ANKRD11: variants seen among roughly 807,000 people sequenced by gnomAD.
ANKRD11 encodes the protein ankyrin repeat domain-containing protein 11.
In ANKRD11, 17 loss-of-function variants were observed where a neutral mutation model predicts 195.7. That is an observed-to-expected ratio of 0.09 (90% CI 0.06 to 0.13). The LOEUF is 0.13. Ranked by LOEUF, ANKRD11 falls within the 10% of genes least tolerant of loss-of-function variation. The pLI is 1.00. For synonymous variants in ANKRD11, 1,953 were observed against 1,528.1 expected, an observed-to-expected ratio of 1.28 and a Z score of -6.49; for missense variants, 3,735 against 3,566.1, an observed-to-expected ratio of 1.05 and a Z score of -1.21.
At chr16:89,312,439 G>T (rs888945215) in intron 3 of ANKRD11, among the ~76,000 whole-genome samples, 5 of 152,200 alleles carry the variant, frequency 3.3e-5, no homozygotes, top group Non-Finnish European at 5.9e-5. Context: ...ACTGGGTGGT[G>T]GGGGAAGCCC....
In ANKRD11 at chr16:89,280,809, C is replaced by T. The variant is rs1395226694; in HGVS notation, c.5733G>A (p.Leu1911=). ...TCGCCTGCTGGTCCTCGGAGGTGTCCAGGTCCGGGGGAAGGGCCCCTTCGA... is the reference window on the plus strand; with the variant it reads ...TCGCCTGCTGGTCCTCGGAGGTGTCTAGGTCCGGGGGAAGGGCCCCTTCGA... ...PSLEGALPPD[L]DTSEDQQATA... Residue 1911 remains leucine, a synonymous_variant, in exon 9 of 13, where the codon CTG becomes CTA. Coordinates refer to ENST00000301030, the MANE Select transcript of ANKRD11 (RefSeq NM_013275.6). 15 of 1,606,654 alleles carry T rather than the reference C, an allele frequency of 9.3e-6. No individual in the cohort carries two copies. Among genetic ancestry groups the T allele is most frequent in the Non-Finnish European group, 1.3e-5 (15 of 1,174,502 alleles).
At chr16:89,441,518 A>C (rs1036067295) in intron 1 of ANKRD11, among the ~76,000 whole-genome samples, 1 of 152,150 alleles carries the variant, frequency 6.6e-6, no homozygotes, top group Non-Finnish European at 1.5e-5. Context: ...CTGTAATCCC[A>C]GCACTTTGGG....
At chr16:89,371,223 C>T (rs1019485725) in intron 2 of ANKRD11, among the ~76,000 whole-genome samples, 1 of 152,140 alleles carries the variant, frequency 6.6e-6, no homozygotes, top group African/African-American at 2.4e-5. Flanking sequence ...CCAACACTTT[C>T]GCAAATACTC....
intron 1 of ANKRD11, among the ~76,000 whole-genome samples, chr16:89,429,174 T>C (rs59009678): frequency 0.26 from 11,383 of 43,902 alleles, 1,145 homozygotes; most frequent in Middle Eastern, 0.32. Context: ...ACAGCAGGGA[T>C]TCTCAACTCT....
At chr16:89,414,033 C>A (rs528626400) in intron 2 of ANKRD11, among the ~76,000 whole-genome samples, 1 of 149,510 alleles carries the variant, frequency 6.7e-6, no homozygotes, top group East Asian at 1.9e-4. Context: ...CGGGCCTGCA[C>A]ACCCTCCGCC....
In ANKRD11 at chr16:89,300,304, G is replaced by A. The variant is rs146973495; in HGVS notation, c.226+4902C>T. The A allele has an allele frequency of 1.5e-3, 317 of 217,544 alleles. 3 individuals carry two copies. The highest frequency in any genetic ancestry group is 6.8e-3 in the African/African-American group (289 of 42,218). The allele number at this position is 217,544 out of a possible 1,614,324, so 13.5% of individuals were successfully genotyped here. A position where few individuals can be genotyped will look rare whatever the true frequency, so the allele number is the denominator to read the frequency against. On this transcript the variant is annotated intron_variant, in intron 4 of 12. Coordinates refer to ENST00000301030, the MANE Select transcript of ANKRD11 (RefSeq NM_013275.6). ...AGAAACTGCATCAGGGCTTCCCGCCGTGTGTTGCTAACATCCCCACACACG... is the reference window on the plus strand; with the variant it reads ...AGAAACTGCATCAGGGCTTCCCGCCATGTGTTGCTAACATCCCCACACACG...
intron 1 of ANKRD11, among the ~76,000 whole-genome samples, chr16:89,436,881 C>T (rs574879313): frequency 6.6e-6 from 1 of 152,336 alleles, no homozygotes; most frequent in African/African-American, 2.4e-5. Flanking sequence ...CTTCAATAAA[C>T]TTATCTACTT....
At chr16:89,387,229 T>TA (rs74265463) in intron 2 of ANKRD11, among the ~76,000 whole-genome samples, 5,095 of 139,474 alleles carry the variant, frequency 0.037, 173 homozygotes, top group East Asian at 0.14. Context: ...AGTGCCAAGT[T>TA]AAAAAAAAAA....
intron 3 of ANKRD11, among the ~76,000 whole-genome samples, chr16:89,306,186 T>C (rs1209804516): frequency 2.4e-3 from 116 of 48,970 alleles, no homozygotes; most frequent in Middle Eastern, 0.018. Flanking sequence ...ACGCGCCACC[T>C]ACCTCCCACT....
rs767084927 is a variant in ANKRD11, at chr16:89,280,743, C to T, written c.5799G>A (p.Pro1933=). ...CGGCGCTGAAGGGACCCTCGTCCAG[C>T]GGCTCCAGGTAGCTGGGCTCCGGGG... The part of the protein sequence containing the change: ...IIPPEPSYLE[P]LDEGPFSAVI... The change falls in exon 9 of 13, where the codon CCG becomes CCA. Residue 1933 remains proline (P), a synonymous_variant. Coordinates refer to ENST00000301030, the MANE Select transcript of ANKRD11 (RefSeq NM_013275.6). 1.2e-5 allele frequency: 19 copies of T among 1,613,278 alleles called. No individual in the cohort carries two copies. The highest frequency in any genetic ancestry group is 2.2e-5 in the South Asian group (2 of 91,082).
intron 1 of ANKRD11, 64 bp from the exon 2 acceptor site, chr16:89,418,432 T>C: frequency 2.4e-6 from 1 of 411,286 alleles, no homozygotes; most frequent in South Asian, 1.7e-5. Context: ...CTTTCATCGC[T>C]CTCGTCTCCC....
At chr16:89,477,103 T>G (rs2057284845) in intron 1 of ANKRD11, among the ~76,000 whole-genome samples, 1 of 152,190 alleles carries the variant, frequency 6.6e-6, no homozygotes, top group Non-Finnish European at 1.5e-5. Flanking sequence ...TGTCTACTAT[T>G]TAAAACACGA....
At position 89,284,353 on chromosome 16, in the gene ANKRD11, C is replaced by T. The variant is rs2034496383; in HGVS notation, c.2189G>A (p.Arg730Lys). The change falls in exon 9 of 13, where the codon AGG becomes AAG. Residue 730 changes from arginine to lysine, a missense_variant. By Grantham distance (26) the Arg-to-Lys change is conservative. Coordinates refer to ENST00000301030, the MANE Select transcript of ANKRD11 (RefSeq NM_013275.6). ...RIKDTNKDIS[R>K]SFREEKDRSN... ...ACGGTCTTTCTCTTCTCGGAAAGAC[C>T]TGCTGATGTCTTTGTTTGTGTCTTT... is the stretch of plus-strand genomic sequence containing the variant. 2 of 1,613,818 alleles carry T rather than the reference C, an allele frequency of 1.2e-6. No individual in the cohort carries two copies.
intron 1 of ANKRD11, among the ~76,000 whole-genome samples, chr16:89,485,717 A>T (rs1324702877): frequency 6.6e-6 from 1 of 152,236 alleles, no homozygotes; most frequent in Non-Finnish European, 1.5e-5. Context: ...AAACCTAAAC[A>T]TACAGAAAAA....
At chr16:89,479,353 C>T (rs2057363451) in intron 1 of ANKRD11, among the ~76,000 whole-genome samples, 3 of 152,118 alleles carry the variant, frequency 2.0e-5, no homozygotes, top group Admixed American at 1.3e-4. Flanking sequence ...AATATCTAGG[C>T]CTGGCGCAGT....
chr16:89,447,895 C>G (rs376887190), intron 1 of ANKRD11, among the ~76,000 whole-genome samples: 45 of 150,950 alleles, frequency 3.0e-4, no homozygotes, highest in African/African-American at 1.0e-3. Flanking sequence ...ACCTCCACTT[C>G]CCAGGTTCAA....
At chr16:89,425,080 T>C (rs1425016797) in intron 1 of ANKRD11, among the ~76,000 whole-genome samples, 1 of 149,088 alleles carries the variant, frequency 6.7e-6, no homozygotes, top group Admixed American at 6.6e-5. Context: ...CTCAAACTAT[T>C]TAAAAAAAAA....
intron 2 of ANKRD11, among the ~76,000 whole-genome samples, chr16:89,328,772 G>T (rs571144049): frequency 7.0e-6 from 1 of 143,258 alleles, no homozygotes; most frequent in African/African-American, 2.6e-5. Flanking sequence ...GGCCCCTGCT[G>T]AGTGAGTGGA....
At chr16:89,480,937 A>C (rs1220955006) in intron 1 of ANKRD11, among the ~76,000 whole-genome samples, 1 of 152,156 alleles carries the variant, frequency 6.6e-6, no homozygotes, top group Non-Finnish European at 1.5e-5. Flanking sequence ...AATGTGGGCA[A>C]ATCACACCAG....
Sources: gnomAD v4.1 joint callset for allele counts (sites outside exome capture counted in the v4.1 genomes callset) on GRCh38, gnomAD v4.1.1 for gene constraint, MANE v1.5 for transcripts, NCBI Gene and HGNC (gene_info 2026-07-23, HGNC 2026-07-21) for gene names.